ATP2C1: variants seen among roughly 807,000 people sequenced by gnomAD.
The protein encoded by ATP2C1 is ATPase secretory pathway Ca2+ transporting 1, also known as calcium-transporting ATPase type 2C member 1.
ATP2C1 carries 31 observed loss-of-function variants against 120.5 expected under a neutral mutation model. The ratio of observed to expected loss-of-function variants is 0.26; its 90% confidence interval spans 0.19 to 0.35. The LOEUF (loss-of-function observed/expected upper bound fraction) is 0.35. ATP2C1 is among the 10% of genes least tolerant of loss of function. The pLI is 1.00. For synonymous variants in ATP2C1, 351 were observed against 358.7 expected (o/e 0.98, Z 0.24); for missense variants, 731 against 1,107.5 (o/e 0.66, Z 4.83).
chr3:130,979,183 A>G (rs2061650183), intron 18 of ATP2C1, 66 bp from the exon 19 acceptor site: 1 of 1,504,046 alleles, frequency 6.6e-7, no homozygotes, highest in African/African-American at 1.4e-5. Flanking sequence ...ATTTCTATCA[A>G]CTAAATTCTG....
intron 1 of ATP2C1, among the ~76,000 whole-genome samples, chr3:130,869,591 GAA>G (rs973189420): frequency 6.6e-6 from 1 of 152,158 alleles, no homozygotes; most frequent in East Asian, 1.9e-4. Flanking sequence ...CTACTCCAGT[GAA>G]CACACAAATG....
At chr3:131,013,077 G>A (rs908772511) in intron 26 of ATP2C1, among the ~76,000 whole-genome samples, 3 of 152,170 alleles carry the variant, frequency 2.0e-5, no homozygotes, top group Non-Finnish European at 4.4e-5. Context: ...AATGAAGGTT[G>A]AGTATATTTT....
In ATP2C1 at chr3:130,922,867, A is replaced by G. The variant is rs116565312; in HGVS notation, c.7-7549A>G. Among the ~76,000 whole-genome samples the G allele has an allele frequency of 7.6e-3, 1,159 of 152,274 alleles. 18 individuals carry two copies. Among genetic ancestry groups the G allele is most frequent in the African/African-American group, 0.027 (1,102 of 41,552 alleles). On this transcript the variant is annotated intron_variant, in intron 2 of 27. Transcript: ENST00000510168. ...TCATAAATTTATTGAGTCTTGTTTA[A>G]TGGCGTATCATATGGCCTGTCTTGG... is the stretch of plus-strand genomic sequence containing the variant.
intron 20 of ATP2C1, among the ~76,000 whole-genome samples, chr3:130,987,679 T>C (rs1159445160): frequency 4.6e-5 from 7 of 152,250 alleles, no homozygotes; most frequent in Non-Finnish European, 1.0e-4. Context: ...TTATTATTGT[T>C]ACAAATAAAA....
intron 8 of ATP2C1, among the ~76,000 whole-genome samples, chr3:130,943,258 C>T (rs2059998295): frequency 6.6e-6 from 1 of 152,132 alleles, no homozygotes; most frequent in African/African-American, 2.4e-5. Flanking sequence ...CTCTGTTGCC[C>T]AGGCTGGAGT....
chr3:130,902,954 T>G (rs965054643), intron 2 of ATP2C1, among the ~76,000 whole-genome samples: 1 of 152,042 alleles, frequency 6.6e-6, no homozygotes, highest in Admixed American at 6.6e-5. Flanking sequence ...TCTCCTTACA[T>G]GTACATAGTT....
chr3:130,894,668 C>T lies in ATP2C1; in HGVS notation c.-102C>T. 6.2e-7 allele frequency: 1 copy of T among 1,611,532 alleles called. No homozygotes were observed. The highest frequency in any genetic ancestry group is 1.1e-5 in the South Asian group (1 of 90,942). On this transcript the variant is annotated 5_prime_UTR_variant, in exon 2 of 28. Transcript: ENST00000510168. The surrounding 1 kb of genome is among the most constrained non-coding windows in gnomAD (Gnocchi z 4.5). Reference sequence around the variant, plus strand: ...GGGTGACAGCCTGGGATTCCGGGGGCTTCTCTTCCTTGTCCTCCTCCTCTC... The same window carrying T: ...GGGTGACAGCCTGGGATTCCGGGGGTTTCTCTTCCTTGTCCTCCTCCTCTC...
At chr3:130,933,762 TA>T (rs1427912163) in intron 4 of ATP2C1, among the ~76,000 whole-genome samples, 1 of 152,226 alleles carries the variant, frequency 6.6e-6, no homozygotes, top group East Asian at 1.9e-4. Context: ...TTGGTATTGT[TA>T]AAAGTTTCTT....
chr3:130,934,702 T>C lies in ATP2C1; in HGVS notation c.315T>C (p.Ser105=), dbSNP rs1020899257. 4.4e-6 allele frequency: 7 copies of C among 1,603,792 alleles called. No homozygotes were observed. The highest frequency in any genetic ancestry group is 6.0e-6 in the Non-Finnish European group (7 of 1,170,856). Residue 105 remains serine (S), a synonymous_variant, in exon 5 of 28, where the codon AGT becomes AGC. Transcript: ENST00000510168. ...VLMHQFDDAV[S]ITVAILIVVT... Reference sequence around the variant, plus strand: ...TGCATCAGTTTGATGATGCCGTCAGTATCACTGTGGTAAGAAAAAAATTAC... The same window carrying C: ...TGCATCAGTTTGATGATGCCGTCAGCATCACTGTGGTAAGAAAAAAATTAC...
intron 1 of ATP2C1, among the ~76,000 whole-genome samples, chr3:130,881,716 T>A (rs951225464): frequency 1.3e-5 from 2 of 152,246 alleles, no homozygotes; most frequent in African/African-American, 4.8e-5. Flanking sequence ...TTGTTTTGCA[T>A]CCTCTTCAAT....
chr3:130,876,282 A>G (rs953495291), intron 1 of ATP2C1, among the ~76,000 whole-genome samples: 2 of 152,026 alleles, frequency 1.3e-5, no homozygotes, highest in African/African-American at 2.4e-5. Flanking sequence ...TATTTAATCC[A>G]TATTGGGTTC....
At chr3:130,952,035 C>T (rs1288563003) in intron 8 of ATP2C1, among the ~76,000 whole-genome samples, 2 of 152,174 alleles carry the variant, frequency 1.3e-5, no homozygotes, top group African/African-American at 4.8e-5. Context: ...GTTGCCTTTA[C>T]ATGAAATCCA....
intron 1 of ATP2C1, among the ~76,000 whole-genome samples, chr3:130,869,620 G>A (rs2068362698): frequency 6.6e-6 from 1 of 152,156 alleles, no homozygotes; most frequent in Admixed American, 6.6e-5. Context: ...AAGCTAAACA[G>A]TATTTTTGCT....
intron 1 of ATP2C1, among the ~76,000 whole-genome samples, chr3:130,851,393 A>G (rs1254414548): frequency 6.6e-6 from 1 of 152,258 alleles, no homozygotes; most frequent in Non-Finnish European, 1.5e-5. Flanking sequence ...TTAACAAGCT[A>G]TAAAGATCAT....
intron 3 of ATP2C1, 144 bp downstream of exon 3, chr3:130,930,670 C>G (rs2059413385): frequency 2.8e-6 from 2 of 704,938 alleles, no homozygotes; most frequent in Admixed American, 2.0e-5. Context: ...ACAAGTTGAA[C>G]AGGACTGTTG....
chr3:130,925,166 A>G (rs2059147282), intron 2 of ATP2C1, among the ~76,000 whole-genome samples: 1 of 152,144 alleles, frequency 6.6e-6, no homozygotes, highest in Non-Finnish European at 1.5e-5. Context: ...TCATATTACC[A>G]GAATTGTTTT....
At chr3:130,939,493 C>T (rs1031720842) in intron 6 of ATP2C1, among the ~76,000 whole-genome samples, 1 of 152,090 alleles carries the variant, frequency 6.6e-6, no homozygotes, top group African/African-American at 2.4e-5. Flanking sequence ...GTTTAATGAT[C>T]ATTTTGATAT....
Position 130,856,302 on chromosome 3 carries a change from T to G in ATP2C1, c.108+5374T>G, listed in dbSNP as rs186279856. 5.9e-5 allele frequency: 9 copies of G among 152,312 alleles called. No homozygotes were observed. In the East Asian group the frequency reaches 1.5e-3, roughly 26 times the overall value. The allele number at this position is 152,312 out of a possible 1,614,324, so 9.4% of individuals were successfully genotyped here. On this transcript the variant is annotated intron_variant, in intron 1 of 26. Transcript: ENST00000504381. ...TGAATTTAATTTGAATTTTAGAAAC[T>G]TATTTCTGCATTTTGGCTCTCATAC...
chr3:130,865,137 TCAGCATGAC>T (rs2068128263), intron 1 of ATP2C1, among the ~76,000 whole-genome samples: 1 of 152,208 alleles, frequency 6.6e-6, no homozygotes, highest in Admixed American at 6.5e-5. Context: ...CAATCTTGCA[TCAGCATGAC>T]CTGGATGTGA....
Sources: allele counts gnomAD v4.1 joint callset (sites outside exome capture counted in the v4.1 genomes callset), GRCh38; gene constraint gnomAD v4.1.1; non-coding constraint Gnocchi (gnomAD v3.1); transcripts MANE v1.5; gene names NCBI Gene and HGNC (gene_info 2026-07-23, HGNC 2026-07-21).